MITF: variants seen among roughly 807,000 people sequenced by gnomAD.
The protein encoded by MITF is melanocyte inducing transcription factor, also known as microphthalmia-associated transcription factor.
In MITF, 17 loss-of-function variants were observed where a neutral mutation model predicts 60.5. The observed-to-expected ratio is 0.28, with a 90% confidence interval of 0.19 to 0.42. The LOEUF is 0.42. Among genes scored for constraint, MITF ranks in the 10% least tolerant of loss-of-function variants. The probability of loss-of-function intolerance (pLI) is 1.00; values close to 1 mark genes in which losing one functional copy is unlikely to be tolerated. For synonymous variants in MITF, 260 were observed against 248.5 expected (o/e 1.05, Z -0.43); for missense variants, 622 against 683.5 (o/e 0.91, Z 1.00).
intron 1 of MITF, among the ~76,000 whole-genome samples, chr3:69,860,333 G>A (rs2063989709): frequency 6.6e-6 from 1 of 152,084 alleles, no homozygotes; most frequent in South Asian, 2.1e-4. Context: ...TAGGCTGGGC[G>A]CGGTGGCTCA....
At chr3:69,887,340 C>G (rs769624178) in intron 2 of MITF, among the ~76,000 whole-genome samples, 2 of 152,056 alleles carry the variant, frequency 1.3e-5, no homozygotes, top group Admixed American at 6.6e-5. Flanking sequence ...TAACTTTGCT[C>G]TACTAAAATC....
chr3:69,856,694 T>A (rs940713957), intron 1 of MITF, among the ~76,000 whole-genome samples: 1 of 152,192 alleles, frequency 6.6e-6, no homozygotes, highest in African/African-American at 2.4e-5. Context: ...CTAGAAAGCC[T>A]TTTTGAAAAA....
chr3:69,932,065 T>C (rs1349205871), intron 2 of MITF, among the ~76,000 whole-genome samples: 1 of 152,240 alleles, frequency 6.6e-6, no homozygotes, highest in Admixed American at 6.5e-5. Context: ...TATTTCTCTT[T>C]ATTAAAATCA....
At chr3:69,747,778 C>G (rs778435503) in intron 1 of MITF, among the ~76,000 whole-genome samples, 3 of 152,204 alleles carry the variant, frequency 2.0e-5, no homozygotes, top group Non-Finnish European at 4.4e-5. Flanking sequence ...TTTCTTTCCT[C>G]TAGGATCATC....
rs151022251 is a variant in MITF, at chr3:69,803,809, C to G, written c.104+64108C>G. On this transcript the variant is annotated intron_variant, in intron 1 of 9. Transcript: ENST00000352241. ...TATTATTCTTATGAACTCCATTGAT[C>G]TAATAACTCATGTTTTTTTTTTTTT... Among the ~76,000 whole-genome samples, 4 of 151,476 alleles carry G rather than the reference C, an allele frequency of 2.6e-5. No individual in the cohort carries two copies. In the East Asian group the frequency reaches 5.8e-4, roughly 22 times the overall value.
At chr3:69,954,421 G>A (rs1576042614) in intron 7 of MITF, among the ~76,000 whole-genome samples, 1 of 152,112 alleles carries the variant, frequency 6.6e-6, no homozygotes, top group Non-Finnish European at 1.5e-5. Context: ...GGACATGGGA[G>A]GTAGTGAATC....
At chr3:69,828,898 G>C (rs1444084785) in intron 1 of MITF, among the ~76,000 whole-genome samples, 1 of 151,808 alleles carries the variant, frequency 6.6e-6, no homozygotes, top group African/African-American at 2.4e-5. Flanking sequence ...TTATCAGCTA[G>C]AGAACAAAAA....
intron 1 of MITF, among the ~76,000 whole-genome samples, chr3:69,827,475 A>G (rs1311333341): frequency 2.0e-5 from 3 of 152,208 alleles, no homozygotes; most frequent in African/African-American, 7.2e-5. Flanking sequence ...GAAAAAAGGA[A>G]ACGGAGGAAC....
chr3:69,842,160 A>C (rs2063649480), intron 1 of MITF, among the ~76,000 whole-genome samples: 2 of 152,198 alleles, frequency 1.3e-5, no homozygotes, highest in Admixed American at 1.3e-4. Flanking sequence ...ATTTTATGTA[A>C]AATCCAAGTA....
At chr3:69,885,589 A>T (rs1198892787) in intron 2 of MITF, among the ~76,000 whole-genome samples, 1 of 152,084 alleles carries the variant, frequency 6.6e-6, no homozygotes, top group Non-Finnish European at 1.5e-5. Flanking sequence ...AGAGTCTTAG[A>T]TGTTACAATG....
chr3:69,841,921 T>C lies in MITF; in HGVS notation c.105-37213T>C, dbSNP rs564054835. ...TGATGAATAATTTGTTTTTTATATATTTTTGTTTGCCTTTAGTTTACCACA... is the reference window on the plus strand; with the variant it reads ...TGATGAATAATTTGTTTTTTATATACTTTTGTTTGCCTTTAGTTTACCACA... On this transcript the variant is annotated intron_variant, in intron 1 of 9. Coordinates refer to ENST00000352241, the MANE Select transcript of MITF (RefSeq NM_001354604.2). Among the ~76,000 whole-genome samples, 5 of 152,332 alleles carry C rather than the reference T, an allele frequency of 3.3e-5. No homozygotes were observed. In the South Asian group the frequency reaches 6.2e-4, roughly 19 times the overall value.
chr3:69,902,702 T>A (rs2065019343), intron 2 of MITF, among the ~76,000 whole-genome samples: 1 of 152,224 alleles, frequency 6.6e-6, no homozygotes, highest in African/African-American at 2.4e-5. Context: ...TACTGTGCAG[T>A]CTTTAGTTAC....
At chr3:69,795,711 G>A (rs773812989) in intron 1 of MITF, among the ~76,000 whole-genome samples, 4 of 152,144 alleles carry the variant, frequency 2.6e-5, no homozygotes, top group African/African-American at 4.8e-5. Context: ...GGGTGACAGA[G>A]TGAAACCGTG....
At chr3:69,918,356 A>G (rs1313267345) in intron 2 of MITF, among the ~76,000 whole-genome samples, 7 of 152,160 alleles carry the variant, frequency 4.6e-5, no homozygotes, top group African/African-American at 1.7e-4. Context: ...CCCACATTAT[A>G]TTTTTAATAA....
At position 69,899,416 on chromosome 3, in the gene MITF, C is replaced by T. The variant is rs187168995; in HGVS notation, c.354+20033C>T. Among the ~76,000 whole-genome samples the T allele has an allele frequency of 3.4e-4, 52 of 152,180 alleles. 1 individual carries two copies. The highest frequency in any genetic ancestry group is 3.1e-3 in the Admixed American group (48 of 15,276). ...AGGATTATTGTCTTTATTTTAAGAGCAATGGGAAGCCATGGAAAGGCATGG... is the reference window on the plus strand; with the variant it reads ...AGGATTATTGTCTTTATTTTAAGAGTAATGGGAAGCCATGGAAAGGCATGG... On this transcript the variant is annotated intron_variant, in intron 2 of 9. Coordinates refer to ENST00000352241, the MANE Select transcript of MITF (RefSeq NM_001354604.2).
chr3:69,857,219 T>C (rs62253178), intron 1 of MITF, among the ~76,000 whole-genome samples: 21,176 of 152,022 alleles, frequency 0.14, 1,623 homozygotes, highest in South Asian at 0.18. Flanking sequence ...TGCTTTTGTG[T>C]TCATTGGGTA....
intron 1 of MITF, among the ~76,000 whole-genome samples, chr3:69,792,998 CTTTTTTTTTTTTTTTTT>C (rs58440406): frequency 9.7e-5 from 3 of 31,076 alleles, no homozygotes; most frequent in East Asian, 1.3e-3. Flanking sequence ...AAGTCTTTAG[CTTTTTTTTTTTTTTTTT>C]TTTTTTTTTT....
rs142618928 is a variant in MITF, at chr3:69,792,828, A to C, written c.104+53127A>C. 3.0e-3 allele frequency among the ~76,000 whole-genome samples: 461 copies of C among 151,972 alleles called. 3 individuals are homozygous for C. Among genetic ancestry groups the C allele is most frequent in the Non-Finnish European group, 3.9e-3 (265 of 67,992 alleles). On this transcript the variant is annotated intron_variant, in intron 1 of 9. Transcript: ENST00000352241. ...TGATTGATTCCTCTGCCCCACTAAA[A>C]ATTTCCTCTCCTCCACTAAAAAGAT...
At chr3:69,856,257 T>C (rs2063916733) in intron 1 of MITF, among the ~76,000 whole-genome samples, 1 of 152,200 alleles carries the variant, frequency 6.6e-6, no homozygotes, top group African/African-American at 2.4e-5. Flanking sequence ...TCATTACTTT[T>C]GCTTGCAAAA....
Sources: allele counts gnomAD v4.1 joint callset (sites outside exome capture counted in the v4.1 genomes callset), GRCh38; gene constraint gnomAD v4.1.1; transcripts MANE v1.5; gene names NCBI Gene and HGNC (gene_info 2026-07-23, HGNC 2026-07-21).